The following SETD2 variants were observed in gnomAD, a reference collection of about 807,000 sequenced individuals.
The protein encoded by SETD2 is SET domain containing 2, histone lysine methyltransferase.
SETD2 carries 31 observed loss-of-function variants against 242.1 expected under a neutral mutation model. The ratio of observed to expected loss-of-function variants is 0.13; its 90% confidence interval spans 0.10 to 0.17. SETD2 has a LOEUF of 0.17. SETD2 is among the 10% of genes least tolerant of loss of function. SETD2 has a pLI of 1.00. For missense variants in SETD2, 2,481 were observed against 3,046.3 expected (o/e 0.81, Z 4.37); for synonymous variants, 1,006 against 1,066.5 (o/e 0.94, Z 1.11).
At chr3:47,157,291 G>T (rs533167584) in intron 1 of SETD2, among the ~76,000 whole-genome samples, 2 of 152,160 alleles carry the variant, frequency 1.3e-5, no homozygotes, top group East Asian at 3.9e-4. Flanking sequence ...GAGTGGTGGT[G>T]CACATTTGCA....
chr3:47,045,535 A>C (rs1344704977), intron 16 of SETD2, among the ~76,000 whole-genome samples: 2 of 148,292 alleles, frequency 1.3e-5, no homozygotes, highest in South Asian at 2.1e-4. Context: ...AAAAAAAAAA[A>C]AAAAATACAA....
chr3:47,024,882 C>T (rs2038402334), intron 18 of SETD2, among the ~76,000 whole-genome samples: 1 of 152,128 alleles, frequency 6.6e-6, no homozygotes, highest in South Asian at 2.1e-4. Flanking sequence ...TTTACACTTA[C>T]CACCACTTAC....
chr3:47,041,446 G>C (rs745940887), intron 17 of SETD2: 4 of 389,638 alleles, frequency 1.0e-5, no homozygotes, highest in Non-Finnish European at 2.0e-5. Context: ...CCAGGAGTTC[G>C]TGCAGATCAG....
chr3:47,019,685 C>T (rs1035955937), intron 19 of SETD2, 75 bp downstream of exon 19: 1 of 1,257,552 alleles, frequency 8.0e-7, no homozygotes, highest in East Asian at 2.3e-5. Flanking sequence ...AGATATTCGA[C>T]ATACTTAGGA....
At position 47,164,111 on chromosome 3, in the gene SETD2, T is replaced by G; in HGVS notation, c.-187A>C. ...TCCCTCGGACGCCCGCCAGCCGCTC[T>G]CTCCCTCTCACCCTCACACCGGGAG... On this transcript the variant is annotated 5_prime_UTR_variant, in exon 1 of 21. Transcript: ENST00000409792. This position sits in a 1 kb window ranked among gnomAD's most constrained non-coding sequence, Gnocchi z 5.4. The G allele has an allele frequency of 1.9e-6, 2 of 1,055,720 alleles. No individual in the cohort carries two copies. Among genetic ancestry groups the G allele is most frequent in the Non-Finnish European group, 2.4e-6 (2 of 836,196 alleles). 65.4% of individuals were successfully genotyped at this position (1,055,720 alleles called of 1,614,324 possible).
At chr3:47,067,613 T>C (rs1204652877) in intron 12 of SETD2, among the ~76,000 whole-genome samples, 2 of 151,882 alleles carry the variant, frequency 1.3e-5, no homozygotes, top group African/African-American at 4.8e-5. Context: ...TGGGGTTTTA[T>C]CACATTGCCC....
At chr3:47,039,613 C>A (rs1018587712) in intron 17 of SETD2, among the ~76,000 whole-genome samples, 2 of 150,566 alleles carry the variant, frequency 1.3e-5, no homozygotes, top group Non-Finnish European at 3.0e-5. Flanking sequence ...CACCTGTAAT[C>A]CCAGCACTTT....
chr3:47,105,399 G>C (rs2042370606), intron 6 of SETD2, among the ~76,000 whole-genome samples: 1 of 114,386 alleles, frequency 8.7e-6, no homozygotes, highest in African/African-American at 3.6e-5. Context: ...AATATAGCAA[G>C]ACACTATCTC....
chr3:47,133,067 G>A (rs1048190239), intron 1 of SETD2, among the ~76,000 whole-genome samples: 3 of 152,112 alleles, frequency 2.0e-5, no homozygotes, highest in Non-Finnish European at 2.9e-5. Context: ...GAGGCATCAT[G>A]TCTGCAAATT....
At chr3:47,102,772 C>G (rs927349705) in intron 7 of SETD2, among the ~76,000 whole-genome samples, 1 of 97,940 alleles carries the variant, frequency 1.0e-5, no homozygotes, top group Admixed American at 1.1e-4. Context: ...CCAGCCTGGG[C>G]AAAAAAAAAA....
chr3:47,146,367 C>G (rs2043851302), intron 1 of SETD2, among the ~76,000 whole-genome samples: 1 of 152,092 alleles, frequency 6.6e-6, no homozygotes, highest in South Asian at 2.1e-4. Flanking sequence ...GTGGCTCACG[C>G]CTGTAATTCC....
intron 3 of SETD2, among the ~76,000 whole-genome samples, chr3:47,117,293 A>C (rs1413024333): frequency 6.6e-6 from 1 of 151,820 alleles, no homozygotes; most frequent in East Asian, 1.9e-4. Flanking sequence ...AACAAAAAAA[A>C]AAACATGAGA....
chr3:47,089,779 T>C (rs1413776273), intron 9 of SETD2, among the ~76,000 whole-genome samples: 1 of 152,006 alleles, frequency 6.6e-6, no homozygotes, highest in African/African-American at 2.4e-5. Flanking sequence ...AAGGGAGTAA[T>C]TAGAATGAGT....
chr3:47,113,344 A>G (rs758469960), intron 5 of SETD2, among the ~76,000 whole-genome samples: 1 of 152,154 alleles, frequency 6.6e-6, no homozygotes, highest in Non-Finnish European at 1.5e-5. Flanking sequence ...ATATAGCTTC[A>G]TAGAGATTCT....
chr3:47,151,528 T>G (rs772575994), intron 1 of SETD2, among the ~76,000 whole-genome samples: 6 of 152,200 alleles, frequency 3.9e-5, no homozygotes, highest in Non-Finnish European at 7.4e-5. Flanking sequence ...GACACCATCA[T>G]GATCTTCTCT....
At chr3:47,051,099 G>A in intron 15 of SETD2, among the ~76,000 whole-genome samples, 1 of 149,904 alleles carries the variant, frequency 6.7e-6, no homozygotes, top group East Asian at 2.0e-4. Context: ...ACCATTATTT[G>A]TCTCCCTACA....
chr3:47,083,244 A>C (rs1446789070), intron 12 of SETD2, among the ~76,000 whole-genome samples: 1 of 152,248 alleles, frequency 6.6e-6, no homozygotes, highest in African/African-American at 2.4e-5. Context: ...CAATAATAGA[A>C]GTGAATACGA....
intron 3 of SETD2, among the ~76,000 whole-genome samples, chr3:47,118,363 T>C (rs1321710190): frequency 6.6e-6 from 1 of 152,204 alleles, no homozygotes; most frequent in Admixed American, 6.5e-5. Context: ...TTCATATTAT[T>C]TTTTATAAGA....
chr3:47,121,103 G>A lies in SETD2; in HGVS notation c.3533C>T (p.Ser1178Phe), dbSNP rs761968547. ...TGAATTTGGGTGACCCAGAGGGTCA[G>A]ATTTCACATCTGTATGACTTGTACT... ...VDSTSHTDVK[S>F]DPLGHPNSEE... is the part of the protein sequence containing the mutation. The change falls in exon 3 of 21, where the codon TCT (serine) becomes TTT (phenylalanine). Residue 1178 changes from serine (S) to phenylalanine (F), a missense_variant. Ser to Phe is a radical substitution (Grantham distance 155). Coordinates refer to ENST00000409792, the MANE Select transcript of SETD2 (RefSeq NM_014159.7). 6.2e-7 allele frequency: 1 copy of A among 1,614,012 alleles called. No homozygotes were observed. The highest frequency in any genetic ancestry group is 8.5e-7 in the Non-Finnish European group (1 of 1,179,910).
Sources: allele counts gnomAD v4.1 joint callset (sites outside exome capture counted in the v4.1 genomes callset), GRCh38; gene constraint gnomAD v4.1.1; non-coding constraint Gnocchi (gnomAD v3.1); transcripts MANE v1.5; gene names NCBI Gene and HGNC (gene_info 2026-07-23, HGNC 2026-07-21).